Variants in PDE9A observed in about 807,000 individuals in gnomAD.
The protein encoded by PDE9A is phosphodiesterase 9A.
Under a neutral mutation model 87.4 loss-of-function variants are expected in PDE9A, and 60 were observed. That is an observed-to-expected ratio of 0.69 (90% CI 0.56 to 0.85). PDE9A has a LOEUF of 0.85. PDE9A is among the 40% of genes least tolerant of loss of function. PDE9A has a pLI of 0.00. For synonymous variants in PDE9A, 272 were observed against 279.4 expected (o/e 0.97, Z 0.27); for missense variants, 665 against 779.0 (o/e 0.85, Z 1.74).
chr21:42,693,479 T>C (rs2059977759), intron 3 of PDE9A, among the ~76,000 whole-genome samples: 1 of 151,464 alleles, frequency 6.6e-6, no homozygotes, highest in Non-Finnish European at 1.5e-5. Context: ...TTTGTGTTTT[T>C]AGTAGAGACG....
rs2060072400 is a variant in PDE9A at position 42,695,141 on chromosome 21, GAAA to G, written c.219-3825_219-3823del. 6.6e-6 allele frequency among the ~76,000 whole-genome samples: 1 copy of G among 152,196 alleles called. No individual in the cohort carries two copies. The highest frequency in any genetic ancestry group is 1.5e-5 in the Non-Finnish European group (1 of 68,038). On this transcript the variant is annotated intron_variant, in intron 3 of 19. Coordinates refer to ENST00000291539, the MANE Select transcript of PDE9A (RefSeq NM_002606.3). The surrounding 1 kb of genome is among the most constrained non-coding windows in gnomAD (Gnocchi z 4.3). The stretch of plus-strand genomic sequence containing the variant: ...ACACGTTTACATCATGGAAAATATG[GAAA>G]ATAGGCTGATTGGCTTCCACTCCCT...
chr21:42,764,162 G>A (rs1033236249), intron 14 of PDE9A, among the ~76,000 whole-genome samples: 11 of 152,236 alleles, frequency 7.2e-5, no homozygotes, highest in Non-Finnish European at 1.2e-4. Flanking sequence ...CCGCACCTCA[G>A]AACCCACTCG....
chr21:42,721,612 GACTGT>G (rs1315979454), intron 4 of PDE9A, among the ~76,000 whole-genome samples: 2 of 152,202 alleles, frequency 1.3e-5, no homozygotes, highest in Admixed American at 6.5e-5. Flanking sequence ...AATTGCCAGT[GACTGT>G]ACCCTGAGTG....
At chr21:42,742,031 G>A (rs541143744) in intron 7 of PDE9A, among the ~76,000 whole-genome samples, 7 of 152,242 alleles carry the variant, frequency 4.6e-5, no homozygotes, top group Admixed American at 1.3e-4. Flanking sequence ...TTGAAAAGCC[G>A]TGCAAAGCTG....
At chr21:42,731,405 G>A (rs992705793) in intron 4 of PDE9A, among the ~76,000 whole-genome samples, 6 of 152,138 alleles carry the variant, frequency 3.9e-5, no homozygotes, top group Non-Finnish European at 8.8e-5. Flanking sequence ...GGTAGAGACC[G>A]CTCCCTTCCT....
chr21:42,773,826 C>T (rs377412407), intron 19 of PDE9A, among the ~76,000 whole-genome samples: 10 of 146,354 alleles, frequency 6.8e-5, no homozygotes, highest in Non-Finnish European at 1.5e-4. Flanking sequence ...ATAAATAAGC[C>T]GGGCGCAGTG....
In PDE9A at chr21:42,738,684, T is replaced by C. The variant is rs184279066; in HGVS notation, c.569-5092T>C. On this transcript the variant is annotated intron_variant, in intron 7 of 19. Transcript: ENST00000291539. ...ACAAAAATCTCTTTCAAAGCCCTTT[T>C]TTGTTGCTGTTTTGTTTTGTTTTGA... 4.0e-3 allele frequency among the ~76,000 whole-genome samples: 608 copies of C among 152,278 alleles called. 4 individuals are homozygous for C. The highest frequency in any genetic ancestry group is 0.014 in the African/African-American group (576 of 41,562).
chr21:42,733,364 A>G lies in PDE9A; in HGVS notation c.506A>G (p.Lys169Arg). The G allele has an allele frequency of 1.3e-6, 2 of 1,587,358 alleles. No individual in the cohort carries two copies. Among genetic ancestry groups the G allele is most frequent in the Non-Finnish European group, 1.7e-6 (2 of 1,155,548 alleles). ...TTCTTTTTCATTCCTAGAGCATTCA[A>G]AATCAATGAACTGAAAGCTGAAGTT... The part of the protein sequence containing the change: ...QVAEQFSRAF[K>R]INELKAEVAN... The change falls in exon 7 of 20, where the codon AAA (lysine) becomes AGA (arginine). Residue 169 changes from lysine to arginine, a missense_variant. Lys to Arg is a conservative substitution (Grantham distance 26, BLOSUM62 2). Transcript: ENST00000291539.
intron 1 of PDE9A, among the ~76,000 whole-genome samples, chr21:42,655,825 C>G (rs1379328705): frequency 6.6e-6 from 1 of 152,048 alleles, no homozygotes; most frequent in Non-Finnish European, 1.5e-5. Context: ...CACCCCGCCC[C>G]CCATCTCCAC....
rs532786824 is a variant in PDE9A, at chr21:42,740,934, G to A, written c.569-2842G>A. Among the ~76,000 whole-genome samples, 128 of 152,244 alleles carry A rather than the reference G, an allele frequency of 8.4e-4. 3 individuals are homozygous for A. In the East Asian group the frequency reaches 0.015, roughly 18 times the overall value. On this transcript the variant is annotated intron_variant, in intron 7 of 19. Transcript: ENST00000291539. Reference sequence around the variant, plus strand: ...AAGTTTTTAAATATTATTCTTTGAAGTGCTATTTCCTACACTTCCTACAAT... The same window carrying A: ...AAGTTTTTAAATATTATTCTTTGAAATGCTATTTCCTACACTTCCTACAAT...
At chr21:42,655,793 C>T (rs981828137) in intron 1 of PDE9A, among the ~76,000 whole-genome samples, 3 of 152,292 alleles carry the variant, frequency 2.0e-5, no homozygotes, top group Admixed American at 6.5e-5. Flanking sequence ...AACAGGGAGG[C>T]GCCAGACGGG....
chr21:42,758,924 C>A, intron 10 of PDE9A, 75 bp from the exon 11 acceptor site: 2 of 1,141,490 alleles, frequency 1.8e-6, no homozygotes, highest in Non-Finnish European at 2.6e-6. Flanking sequence ...CCGAGGACAG[C>A]AGAGGGAAGG....
Position 42,732,142 on chromosome 21 carries a change from C to CT in PDE9A, c.497+20dup. 6.2e-7 allele frequency: 1 copy of CT among 1,610,680 alleles called. No individual in the cohort carries two copies. The highest frequency in any genetic ancestry group is 8.5e-7 in the Non-Finnish European group (1 of 1,177,266). ...TTCTCAAGGTACAGAGTCTTCTAAACTTACAACCAGCCAGAGATGGGCACA... is the reference window on the plus strand; with the variant it reads ...TTCTCAAGGTACAGAGTCTTCTAAACTTTACAACCAGCCAGAGATGGGCACA... On this transcript the variant is annotated intron_variant, in intron 6 of 19. Transcript: ENST00000291539.
intron 16 of PDE9A, 79 bp from the exon 17 acceptor site, chr21:42,768,948 C>G: frequency 6.6e-7 from 1 of 1,522,322 alleles, no homozygotes; most frequent in Non-Finnish European, 8.8e-7. Context: ...ACTGGCGCAT[C>G]TTGTCTTTCT....
intron 1 of PDE9A, among the ~76,000 whole-genome samples, chr21:42,655,817 C>A (rs1033248570): frequency 6.6e-5 from 10 of 151,472 alleles, no homozygotes; most frequent in Non-Finnish European, 1.2e-4. Flanking sequence ...CCAACCCCCA[C>A]CCCGCCCCCC....
intron 1 of PDE9A, among the ~76,000 whole-genome samples, chr21:42,684,738 C>G (rs1458176853): frequency 6.6e-6 from 1 of 152,186 alleles, no homozygotes; most frequent in Admixed American, 6.5e-5. Context: ...GCTGCATAGG[C>G]AGCCAGGGAC....
At position 42,759,633 on chromosome 21, in the gene PDE9A, G is replaced by T. The variant is rs1247644142; in HGVS notation, c.897+548G>T. Among the ~76,000 whole-genome samples the T allele has an allele frequency of 6.6e-6, 1 of 151,206 alleles. No homozygotes were observed. The highest frequency in any genetic ancestry group is 1.5e-5 in the Non-Finnish European group (1 of 67,740). On this transcript the variant is annotated intron_variant, in intron 11 of 19. Coordinates refer to ENST00000291539, the MANE Select transcript of PDE9A (RefSeq NM_002606.3). The surrounding 1 kb of genome is among the most constrained non-coding windows in gnomAD (Gnocchi z 7.2). ...GTGGGAGTGTGTGGGGTGGGAGTAG[G>T]AGTGTGGAGGTGTGTCTGTGTGTGT...
intron 3 of PDE9A, among the ~76,000 whole-genome samples, chr21:42,697,201 A>C (rs990567321): frequency 1.3e-5 from 2 of 152,200 alleles, no homozygotes; most frequent in South Asian, 4.2e-4. Flanking sequence ...GGCTCTCCCG[A>C]GAACCTCAGC....
intron 2 of PDE9A, 54 bp from the exon 3 acceptor site, chr21:42,687,863 G>C: frequency 6.8e-7 from 1 of 1,464,738 alleles, no homozygotes. Context: ...ACATTCAAGT[G>C]TACATCCCAG....
Sources: allele counts gnomAD v4.1 joint callset (sites outside exome capture counted in the v4.1 genomes callset), GRCh38; gene constraint gnomAD v4.1.1; non-coding constraint Gnocchi (gnomAD v3.1); transcripts MANE v1.5; gene names NCBI Gene and HGNC (gene_info 2026-07-23, HGNC 2026-07-21).